The following GREB1 variants were observed in gnomAD, a reference collection of about 807,000 sequenced individuals.
The protein encoded by GREB1 is growth regulating estrogen receptor binding 1, also known as protein GREB1.
Under a neutral mutation model 200.7 loss-of-function variants are expected in GREB1, and 106 were observed. The ratio of observed to expected loss-of-function variants is 0.53; its 90% CI spans 0.45 to 0.62. GREB1 has a LOEUF of 0.62. Ranked by LOEUF, GREB1 falls within the 20% of genes least tolerant of loss-of-function variation. The pLI, the probability that GREB1 is intolerant of heterozygous loss-of-function variation, is 0.00. For missense variants in GREB1, 2,243 were observed against 2,556.8 expected, an observed-to-expected ratio of 0.88 and a Z score of 2.65; for synonymous variants, 1,132 against 1,092.4, an observed-to-expected ratio of 1.04 and a Z score of -0.72.
rs1679948652 is a variant in GREB1 at position 11,585,155 on chromosome 2, G to A, written c.902-6G>A. 8 of 1,526,654 alleles carry A rather than the reference G, an allele frequency of 5.2e-6. No homozygotes were observed. Among genetic ancestry groups the A allele is most frequent in the Non-Finnish European group, 7.1e-6 (8 of 1,128,392 alleles). 94.6% of individuals were successfully genotyped at this position (1,526,654 alleles called of 1,614,324 possible). On this transcript the variant is annotated splice_region_variant and splice_polypyrimidine_tract_variant and intron_variant, in intron 7 of 32. Coordinates refer to ENST00000381486, the MANE Select transcript of GREB1 (RefSeq NM_014668.4). ...TAGCCTAATCCACACTCTGAATATTGTCTAGGTATCTTGTCAAACTCCGGG... is the reference window on the plus strand; with the variant it reads ...TAGCCTAATCCACACTCTGAATATTATCTAGGTATCTTGTCAAACTCCGGG...
In GREB1 at chr2:11,493,979, A is replaced by T. The variant is rs776232289; in HGVS notation, c.-159+11598A>T. On this transcript the variant is annotated intron_variant, in intron 1 of 2. Transcript: ENST00000628795. The surrounding 1 kb of genome is among the most constrained non-coding windows in gnomAD (Gnocchi z 4.6). ...TGGAGAAAAGATGAAAGAAGAAATGAACAGTTGCTGACCTTTTCCCGAGTC... is the reference window on the plus strand; with the variant it reads ...TGGAGAAAAGATGAAAGAAGAAATGTACAGTTGCTGACCTTTTCCCGAGTC... Among the ~76,000 whole-genome samples the T allele has an allele frequency of 2.0e-5, 3 of 152,190 alleles. No homozygotes were observed. Among genetic ancestry groups the T allele is most frequent in the Non-Finnish European group, 2.9e-5 (2 of 68,040 alleles).
Position 11,615,259 on chromosome 2 carries a change from A to G in GREB1, c.3291A>G (p.Thr1097=). 1 of 1,604,822 alleles carries G rather than the reference A, an allele frequency of 6.2e-7. No homozygotes were observed. The change falls in exon 20 of 33, where the codon ACA becomes ACG. Residue 1097 remains threonine (T), a synonymous_variant. Transcript: ENST00000381486. Reference sequence around the variant, plus strand: ...GTGATGCTGAGAAGCTGAGCAGCACAGACAACGAGGATGAGGAGCTGGGGA... The same window carrying G: ...GTGATGCTGAGAAGCTGAGCAGCACGGACAACGAGGATGAGGAGCTGGGGA... ...LESDAEKLSS[T]DNEDEELGTE...
In GREB1 at chr2:11,555,327, GT is replaced by G. The variant is rs548262565; in HGVS notation, c.-161-1126del. ...ACCCTATGTATGATCAGGGAGAAAT[GT>G]CAGAACAAATATCAGCATTTTCACT... On this transcript the variant is annotated intron_variant, in intron 1 of 32. Transcript: ENST00000381486. 3.2e-3 allele frequency among the ~76,000 whole-genome samples: 480 copies of G among 152,302 alleles called. 5 individuals are homozygous for G. The highest frequency in any genetic ancestry group is 0.011 in the African/African-American group (454 of 41,562).
chr2:11,524,463 G>A (rs567778683), intron 1 of GREB1, among the ~76,000 whole-genome samples: 3 of 152,334 alleles, frequency 2.0e-5, no homozygotes, highest in African/African-American at 7.2e-5. Context: ...GCTGGCAAGA[G>A]TACCCTCTAA....
intron 24 of GREB1, 130 bp downstream of exon 24, chr2:11,625,442 G>A (rs1684367882): frequency 2.4e-6 from 2 of 826,962 alleles, no homozygotes; most frequent in Non-Finnish European, 3.9e-6. Flanking sequence ...GTACAGAACT[G>A]AGGTCACCAC....
chr2:11,624,341 C>CT (rs70955810), intron 23 of GREB1, among the ~76,000 whole-genome samples: 5,077 of 111,052 alleles, frequency 0.046, 315 homozygotes, highest in African/African-American at 0.12. Flanking sequence ...TACACAAATT[C>CT]TTTTTTTTTT....
intron 1 of GREB1, among the ~76,000 whole-genome samples, chr2:11,554,140 C>T (rs1191462729): frequency 1.3e-5 from 2 of 152,156 alleles, no homozygotes; most frequent in Non-Finnish European, 1.5e-5. Flanking sequence ...GACCCTGCAA[C>T]CTCTTCTGCT....
intron 3 of GREB1, chr2:11,562,944 T>C (rs780435364): frequency 5.4e-5 from 9 of 167,940 alleles, no homozygotes; most frequent in South Asian, 2.0e-4. Context: ...CATATTGAAC[T>C]CACAAGTGAT....
chr2:11,574,308 A>T (rs1338203592), intron 4 of GREB1, among the ~76,000 whole-genome samples: 1 of 152,244 alleles, frequency 6.6e-6, no homozygotes, highest in Non-Finnish European at 1.5e-5. Context: ...GGAAAAAGAC[A>T]CAAATTTCAA....
intron 17 of GREB1, among the ~76,000 whole-genome samples, chr2:11,605,950 T>A (rs1682243343): frequency 6.6e-6 from 1 of 152,232 alleles, no homozygotes; most frequent in Non-Finnish European, 1.5e-5. Context: ...TACTTTCCCT[T>A]TTCATGGGTA....
intron 23 of GREB1, among the ~76,000 whole-genome samples, chr2:11,622,586 T>C (rs927685168): frequency 2.0e-5 from 3 of 152,102 alleles, no homozygotes; most frequent in Admixed American, 6.5e-5. Context: ...ACATGGCAAA[T>C]GGAAGAGTGT....
At chr2:11,623,488 G>A (rs1436036484) in intron 23 of GREB1, among the ~76,000 whole-genome samples, 1 of 152,232 alleles carries the variant, frequency 6.6e-6, no homozygotes, top group Non-Finnish European at 1.5e-5. Flanking sequence ...TGCCCCTGAA[G>A]ACCTTCTAGT....
chr2:11,516,180 T>C (rs1236196396), intron 1 of GREB1, among the ~76,000 whole-genome samples: 1 of 152,116 alleles, frequency 6.6e-6, no homozygotes, highest in Admixed American at 6.5e-5. Flanking sequence ...GAGCATCACG[T>C]CCAAAATGAA....
At position 11,627,029 on chromosome 2, in the gene GREB1, C is replaced by G. The variant is rs750139140; in HGVS notation, c.4374C>G (p.Ser1458=). ...VRRQTARMRL[S]KYAAYNTYHH... ...GTCAGACGGCACGGATGAGACTGTC[C>G]AAGTACGCAGCGTACAACACTTACC... is the stretch of plus-strand genomic sequence containing the variant. The change falls in exon 25 of 33, where the codon TCC becomes TCG. Residue 1458 remains serine, a synonymous_variant. Transcript: ENST00000381486. 2 of 1,614,022 alleles carry G rather than the reference C, an allele frequency of 1.2e-6. No individual in the cohort carries two copies. The highest frequency in any genetic ancestry group is 2.2e-5 in the East Asian group (1 of 44,880).
rs768004256 is a variant in GREB1, at chr2:11,488,513, G to A, written c.-159+6132G>A. 4.8e-4 allele frequency among the ~76,000 whole-genome samples: 73 copies of A among 152,168 alleles called. 1 individual carries two copies. Among genetic ancestry groups the A allele is most frequent in the South Asian group, 4.2e-4 (2 of 4,816 alleles). On this transcript the variant is annotated intron_variant, in intron 1 of 2. Transcript: ENST00000628795. ...TTCATAAAGATTTGGGAAAGAGGCC[G>A]GGTGCAGTGGCTCATGCCTGTAATC...
At chr2:11,568,496 A>G (rs1677921394) in intron 4 of GREB1, among the ~76,000 whole-genome samples, 1 of 152,260 alleles carries the variant, frequency 6.6e-6, no homozygotes, top group African/African-American at 2.4e-5. Context: ...GAACCATTCC[A>G]GAAAACCCAC....
chr2:11,484,885 G>C (rs934687890), intron 1 of GREB1, among the ~76,000 whole-genome samples: 2 of 152,194 alleles, frequency 1.3e-5, no homozygotes, highest in Non-Finnish European at 2.9e-5. Flanking sequence ...TCGCTCTTTC[G>C]CCCAGGCTGG....
rs370262420 is a variant in GREB1, at chr2:11,588,862, G to T, written c.1276G>T (p.Ala426Ser). Residue 426 changes from alanine (A) to serine (S), a missense_variant, in exon 10 of 33, where the codon GCC (alanine) becomes TCC (serine). Physicochemically the swap from Ala to Ser is moderately conservative, Grantham distance 99. Transcript: ENST00000381486. ...CTCACGGGCATACGAGCAGTACGGC[G>T]CCTCTGCCATCCAGCCCATCTCCGA... is the stretch of plus-strand genomic sequence containing the variant. ...SVSRAYEQYG[A>S]SAIQPISEEM... 3 of 1,614,070 alleles carry T rather than the reference G, an allele frequency of 1.9e-6. No homozygotes were observed. The highest frequency in any genetic ancestry group is 1.3e-5 in the African/African-American group (1 of 75,034).
intron 4 of GREB1, among the ~76,000 whole-genome samples, chr2:11,576,010 A>G (rs1202905782): frequency 1.3e-5 from 2 of 152,172 alleles, no homozygotes; most frequent in Admixed American, 1.3e-4. Context: ...GGGCTAGTCT[A>G]AGAGGGTGGG....
Sources: allele counts gnomAD v4.1 joint callset (sites outside exome capture counted in the v4.1 genomes callset), GRCh38; gene constraint gnomAD v4.1.1; non-coding constraint Gnocchi (gnomAD v3.1); transcripts MANE v1.5; gene names NCBI Gene and HGNC (gene_info 2026-07-23, HGNC 2026-07-21).